Variants in EBF1 observed in about 807,000 individuals in gnomAD.
EBF1 encodes the protein EBF transcription factor 1, also known as transcription factor COE1.
In EBF1, 10 loss-of-function variants were observed where a neutral mutation model predicts 68.4. The observed-to-expected ratio is 0.15, with a 90% CI of 0.09 to 0.25. The LOEUF (loss-of-function observed/expected upper bound fraction) is 0.25, where lower values mean the gene tolerates loss of function less well. Among genes scored for constraint, EBF1 ranks in the 10% least tolerant of loss-of-function variants. The probability of loss-of-function intolerance (pLI) is 1.00; values close to 1 mark genes in which losing one functional copy is unlikely to be tolerated. For missense variants in EBF1, 509 were observed against 794.4 expected (o/e 0.64, Z 4.32); for synonymous variants, 298 against 299.8 (o/e 0.99, Z 0.06).
chr5:158,904,082 C>T (rs566078967), intron 6 of EBF1, among the ~76,000 whole-genome samples: 1 of 152,300 alleles, frequency 6.6e-6, no homozygotes, highest in African/African-American at 2.4e-5. Context: ...CTCCAATTCA[C>T]ATTACTTCCT....
intron 6 of EBF1, among the ~76,000 whole-genome samples, chr5:159,047,474 T>A (rs1043676887): frequency 4.0e-5 from 6 of 151,560 alleles, no homozygotes; most frequent in Non-Finnish European, 8.8e-5. Flanking sequence ...AGAGTTGGGG[T>A]GGCGCAAAGG....
intron 11 of EBF1, among the ~76,000 whole-genome samples, chr5:158,717,417 A>G (rs1438655685): frequency 6.6e-6 from 1 of 152,178 alleles, no homozygotes; most frequent in African/African-American, 2.4e-5. Flanking sequence ...ATTAGGCAGG[A>G]GCACAGTCTA....
chr5:159,094,304 G>C (rs1404159829), intron 4 of EBF1, among the ~76,000 whole-genome samples: 3 of 151,238 alleles, frequency 2.0e-5, no homozygotes, highest in African/African-American at 7.3e-5. Context: ...GCAATCAACT[G>C]AGAAATAAAC....
At chr5:158,860,344 G>T (rs535727208) in intron 6 of EBF1, among the ~76,000 whole-genome samples, 1 of 152,240 alleles carries the variant, frequency 6.6e-6, no homozygotes, top group South Asian at 2.1e-4. Context: ...TATGACTAAG[G>T]CCAATATCTG....
At chr5:158,852,427 T>C (rs969784962) in intron 6 of EBF1, among the ~76,000 whole-genome samples, 1 of 152,074 alleles carries the variant, frequency 6.6e-6, no homozygotes, top group African/African-American at 2.4e-5. Context: ...TGAATTTAAT[T>C]TGAGCAATGG....
At chr5:158,843,232 A>G (rs1208209043) in intron 6 of EBF1, among the ~76,000 whole-genome samples, 1 of 152,320 alleles carries the variant, frequency 6.6e-6, no homozygotes, top group East Asian at 1.9e-4. Context: ...AGCCAGATTC[A>G]GGTTGTGCTA....
intron 5 of EBF1, among the ~76,000 whole-genome samples, chr5:159,078,529 G>A (rs780321475): frequency 4.6e-5 from 7 of 152,192 alleles, no homozygotes; most frequent in Non-Finnish European, 1.0e-4. Flanking sequence ...AGGCTCCTAC[G>A]ATGTGTGTTG....
At chr5:159,057,501 C>A (rs1201928729) in intron 6 of EBF1, among the ~76,000 whole-genome samples, 2 of 152,124 alleles carry the variant, frequency 1.3e-5, no homozygotes, top group Non-Finnish European at 2.9e-5. Flanking sequence ...TTCCTTGGAC[C>A]CAAACCCAGA....
At chr5:158,812,836 G>A (rs1782948746) in intron 8 of EBF1, among the ~76,000 whole-genome samples, 1 of 151,990 alleles carries the variant, frequency 6.6e-6, no homozygotes, top group African/African-American at 2.4e-5. Flanking sequence ...ACTAATTTCT[G>A]CTCTCTGACA....
At chr5:158,979,354 A>G (rs182528766) in intron 6 of EBF1, among the ~76,000 whole-genome samples, 1 of 152,210 alleles carries the variant, frequency 6.6e-6, no homozygotes, top group African/African-American at 2.4e-5. Context: ...TGAATTCCCA[A>G]ACTAAGCCCA....
intron 4 of EBF1, among the ~76,000 whole-genome samples, chr5:159,089,556 G>A (rs1781260933): frequency 6.6e-6 from 1 of 152,132 alleles, no homozygotes; most frequent in Non-Finnish European, 1.5e-5. Flanking sequence ...GGATGCCAAA[G>A]GAAATACAGA....
intron 6 of EBF1, among the ~76,000 whole-genome samples, chr5:158,901,195 C>T (rs1803238360): frequency 6.6e-6 from 1 of 152,230 alleles, no homozygotes; most frequent in Admixed American, 6.5e-5. Flanking sequence ...TTCTCTCTCT[C>T]ATACATCTTA....
intron 10 of EBF1, among the ~76,000 whole-genome samples, chr5:158,757,495 C>T (rs147622353): frequency 5.3e-4 from 80 of 152,156 alleles, no homozygotes; most frequent in African/African-American, 1.4e-3. Flanking sequence ...GTGGTATCTC[C>T]GGTAACTAAC....
chr5:158,873,398 A>G (rs560281057), intron 6 of EBF1, among the ~76,000 whole-genome samples: 2 of 152,306 alleles, frequency 1.3e-5, no homozygotes, highest in East Asian at 3.9e-4. Flanking sequence ...TGGCATTGCC[A>G]CAGTGTTCCC....
At chr5:158,743,375 C>T (rs1766849316) in intron 10 of EBF1, among the ~76,000 whole-genome samples, 1 of 152,166 alleles carries the variant, frequency 6.6e-6, no homozygotes, top group African/African-American at 2.4e-5. Flanking sequence ...CAGAGTACAG[C>T]TTAACATGTT....
chr5:158,960,153 G>T (rs1008844564), intron 6 of EBF1, among the ~76,000 whole-genome samples: 3 of 152,170 alleles, frequency 2.0e-5, no homozygotes, highest in African/African-American at 7.2e-5. Flanking sequence ...CAGCATGGAA[G>T]CATTTTAAGA....
chr5:158,950,257 A>G (rs1311138259), intron 6 of EBF1, among the ~76,000 whole-genome samples: 1 of 152,250 alleles, frequency 6.6e-6, no homozygotes, highest in East Asian at 1.9e-4. Flanking sequence ...TTTATGTAAC[A>G]ACATCATTCA....
chr5:158,958,150 C>T (rs747474295), intron 6 of EBF1, among the ~76,000 whole-genome samples: 1 of 152,160 alleles, frequency 6.6e-6, no homozygotes, highest in African/African-American at 2.4e-5. Context: ...TTGAGACTGA[C>T]ATCTGACAGA....
At chr5:159,049,629 G>A (rs762109894) in intron 6 of EBF1, among the ~76,000 whole-genome samples, 1 of 152,234 alleles carries the variant, frequency 6.6e-6, no homozygotes. Flanking sequence ...TATTTTGGTT[G>A]AGATCCAGCC....
Sources: allele counts gnomAD v4.1 joint callset (sites outside exome capture counted in the v4.1 genomes callset), GRCh38; gene constraint gnomAD v4.1.1; transcripts MANE v1.5; gene names NCBI Gene and HGNC (gene_info 2026-07-23, HGNC 2026-07-21).